Variants in EXOC6B observed in about 807,000 individuals in gnomAD.
EXOC6B encodes exocyst complex component 6B, also known as SEC15 homolog B.
Under a neutral mutation model 113.5 loss-of-function variants are expected in EXOC6B, and 54 were observed. The observed-to-expected ratio is 0.48, with a 90% CI of 0.38 to 0.60. The LOEUF (loss-of-function observed/expected upper bound fraction) is 0.60. EXOC6B is among the 20% of genes least tolerant of loss of function. The pLI is 0.00. For synonymous variants in EXOC6B, 357 were observed against 339.0 expected (o/e 1.05, Z -0.58); for missense variants, 797 against 977.5 (o/e 0.82, Z 2.46).
intron 20 of EXOC6B, among the ~76,000 whole-genome samples, chr2:72,293,330 G>A (rs1417717686): frequency 6.6e-6 from 1 of 152,100 alleles, no homozygotes; most frequent in African/African-American, 2.4e-5. Flanking sequence ...ACAGAATATA[G>A]TAGAAGAATG....
intron 1 of EXOC6B, among the ~76,000 whole-genome samples, chr2:72,795,610 G>A (rs2105057119): frequency 6.6e-6 from 1 of 152,044 alleles, no homozygotes; most frequent in East Asian, 1.9e-4. Flanking sequence ...TAAAACAAGT[G>A]AATGACAAAA....
chr2:72,340,099 G>T (rs960953865), intron 19 of EXOC6B, among the ~76,000 whole-genome samples: 1 of 152,022 alleles, frequency 6.6e-6, no homozygotes, highest in East Asian at 1.9e-4. Flanking sequence ...TCACTTAGTC[G>T]AGGGGAAAGA....
intron 1 of EXOC6B, among the ~76,000 whole-genome samples, chr2:72,777,750 A>G (rs1023374330): frequency 6.6e-6 from 1 of 152,184 alleles, no homozygotes; most frequent in African/African-American, 2.4e-5. Context: ...AAAACAATAC[A>G]TATCTCTGTT....
At chr2:72,525,659 G>A (rs1027278388) in intron 8 of EXOC6B, among the ~76,000 whole-genome samples, 4 of 152,062 alleles carry the variant, frequency 2.6e-5, no homozygotes, top group Non-Finnish European at 4.4e-5. Flanking sequence ...CAAAGAATAT[G>A]ATTTAATCAA....
chr2:72,560,459 C>A (rs933566222), intron 7 of EXOC6B, among the ~76,000 whole-genome samples: 3 of 152,100 alleles, frequency 2.0e-5, no homozygotes, highest in Non-Finnish European at 4.4e-5. Flanking sequence ...GCAGTAGGCA[C>A]ATCTAAATTG....
At chr2:72,746,325 G>A (rs1175013639) in intron 1 of EXOC6B, among the ~76,000 whole-genome samples, 2 of 151,902 alleles carry the variant, frequency 1.3e-5, no homozygotes, top group Non-Finnish European at 2.9e-5. Flanking sequence ...AGAAATATAT[G>A]GAAATTAACT....
intron 20 of EXOC6B, among the ~76,000 whole-genome samples, chr2:72,330,562 T>C (rs1435504866): frequency 6.6e-6 from 1 of 152,146 alleles, no homozygotes; most frequent in Admixed American, 6.6e-5. Flanking sequence ...TGCTTGACTT[T>C]CAGTGTGACT....
chr2:72,769,241 C>G (rs559896181), intron 1 of EXOC6B, among the ~76,000 whole-genome samples: 7 of 151,960 alleles, frequency 4.6e-5, no homozygotes, highest in Non-Finnish European at 1.0e-4. Flanking sequence ...AAAGTGACCT[C>G]AGAATGAAGC....
chr2:72,678,012 A>T (rs982767309), intron 6 of EXOC6B, among the ~76,000 whole-genome samples: 39 of 151,470 alleles, frequency 2.6e-4, no homozygotes, highest in South Asian at 2.1e-4. Flanking sequence ...AGATTTAATT[A>T]AAAAAAAATA....
chr2:72,246,553 C>G (rs149661909), intron 20 of EXOC6B, among the ~76,000 whole-genome samples: 3,497 of 148,332 alleles, frequency 0.024, 135 homozygotes, highest in African/African-American at 0.082. Context: ...TGTTGCCCAG[C>G]CTGGAGTGCA....
intron 6 of EXOC6B, among the ~76,000 whole-genome samples, chr2:72,712,392 T>C (rs1679333618): frequency 6.6e-6 from 1 of 152,164 alleles, no homozygotes; most frequent in Non-Finnish European, 1.5e-5. Flanking sequence ...GGGTCCTTTG[T>C]TCAGAGTCTC....
At chr2:72,673,881 A>G (rs1044620666) in intron 6 of EXOC6B, among the ~76,000 whole-genome samples, 6 of 151,834 alleles carry the variant, frequency 4.0e-5, no homozygotes, top group African/African-American at 1.5e-4. Flanking sequence ...AATTCCTAAG[A>G]TTAGTCTTTT....
intron 1 of EXOC6B, among the ~76,000 whole-genome samples, chr2:72,824,835 C>T (rs1419070380): frequency 2.0e-5 from 3 of 152,050 alleles, no homozygotes; most frequent in Admixed American, 6.5e-5. Context: ...TACAGGTAGC[C>T]GATAATCCCC....
chr2:72,217,295 C>A (rs1466827835), intron 20 of EXOC6B, among the ~76,000 whole-genome samples: 2 of 152,112 alleles, frequency 1.3e-5, no homozygotes, highest in Non-Finnish European at 2.9e-5. Context: ...TCCCTCTTAG[C>A]TACTTTCTCT....
chr2:72,276,567 A>G (rs1289309546), intron 20 of EXOC6B, among the ~76,000 whole-genome samples: 3 of 152,148 alleles, frequency 2.0e-5, no homozygotes, highest in Non-Finnish European at 4.4e-5. Context: ...TTAAAATCTC[A>G]AACTAGTGGC....
intron 20 of EXOC6B, among the ~76,000 whole-genome samples, chr2:72,261,113 A>G (rs993940884): frequency 2.6e-5 from 4 of 152,178 alleles, no homozygotes; most frequent in Admixed American, 6.5e-5. Context: ...ATGACCCCCA[A>G]CTATTTAGAA....
intron 16 of EXOC6B, among the ~76,000 whole-genome samples, chr2:72,490,336 G>A (rs1350547891): frequency 6.6e-6 from 1 of 152,064 alleles, no homozygotes; most frequent in Non-Finnish European, 1.5e-5. Flanking sequence ...AATAACACAT[G>A]CCCAGCCTGC....
intron 1 of EXOC6B, among the ~76,000 whole-genome samples, chr2:72,792,150 T>A (rs1684705412): frequency 6.6e-6 from 1 of 152,200 alleles, no homozygotes; most frequent in Admixed American, 6.5e-5. Flanking sequence ...GAATACAGAC[T>A]AAGAACTATT....
chr2:72,440,952 T>C (rs1437722899), intron 18 of EXOC6B, among the ~76,000 whole-genome samples: 1 of 152,134 alleles, frequency 6.6e-6, no homozygotes, highest in African/African-American at 2.4e-5. Flanking sequence ...CATTACACAA[T>C]GGTAAAGAGT....
Sources: gnomAD v4.1 joint callset for allele counts (sites outside exome capture counted in the v4.1 genomes callset) on GRCh38, gnomAD v4.1.1 for gene constraint, MANE v1.5 for transcripts, NCBI Gene and HGNC (gene_info 2026-07-23, HGNC 2026-07-21) for gene names.